Variants in STIM1 observed in about 807,000 individuals in gnomAD.
STIM1 encodes stromal interaction molecule 1.
In STIM1, 25 loss-of-function variants were observed where a neutral mutation model predicts 74.7. The ratio of observed to expected loss-of-function variants is 0.33; its 90% CI spans 0.24 to 0.47. The LOEUF (loss-of-function observed/expected upper bound fraction) is 0.47, where lower values mean the gene tolerates loss of function less well. Among genes scored for constraint, STIM1 ranks in the 20% least tolerant of loss-of-function variants. The pLI, the probability that STIM1 is intolerant of heterozygous loss-of-function variation, is 1.00. For missense variants in STIM1, 728 were observed against 920.8 expected, an observed-to-expected ratio of 0.79 and a Z score of 2.71; for synonymous variants, 328 against 348.8, an observed-to-expected ratio of 0.94 and a Z score of 0.66.
rs1210527157 is a variant in STIM1 at position 4,091,315 on chromosome 11, CCACA to C, written c.1669_1672del (p.His557Ter). The C allele has an allele frequency of 5.0e-6, 8 of 1,614,136 alleles. No individual in the cohort carries two copies. The highest frequency in any genetic ancestry group is 1.6e-4 in the Middle Eastern group (1 of 6,084). ...CCCATTCCGATTCGGAGTCCTCCCT[CCACA>C]TGAGTGACCGCCAGCGTGTGGCCCC... On this transcript the variant is annotated frameshift_variant, in exon 13 of 13. Coordinates refer to ENST00000526596, the MANE Select transcript of STIM1 (RefSeq NM_001382567.1). LOFTEE classifies it high-confidence loss of function.
chr11:3,863,283 G>A (rs1036473487), intron 1 of STIM1, among the ~76,000 whole-genome samples: 1 of 3,256 alleles, frequency 3.1e-4, no homozygotes, highest in Admixed American at 2.6e-3. Context: ...TTTGAGACAG[G>A]GTCTCTCTGT....
chr11:3,994,882 T>G (rs945199340), intron 2 of STIM1, among the ~76,000 whole-genome samples: 7 of 152,202 alleles, frequency 4.6e-5, no homozygotes, highest in Non-Finnish European at 1.0e-4. Flanking sequence ...CAGTCTCTCT[T>G]GAAGTTTGCT....
At chr11:3,987,033 A>C (rs544440758) in intron 2 of STIM1, among the ~76,000 whole-genome samples, 2 of 152,296 alleles carry the variant, frequency 1.3e-5, no homozygotes, top group Non-Finnish European at 2.9e-5. Context: ...GTAAGATTAG[A>C]AGTCTCTGGG....
intron 1 of STIM1, chr11:3,961,178 T>TG (rs61188198): frequency 0.04 from 6,453 of 159,792 alleles, 588 homozygotes; most frequent in African/African-American, 0.14. Flanking sequence ...TTTATAGAGA[T>TG]GGGGTCTCAC....
At chr11:3,987,441 A>C (rs1383347921) in intron 2 of STIM1, among the ~76,000 whole-genome samples, 3 of 152,188 alleles carry the variant, frequency 2.0e-5, no homozygotes, top group Non-Finnish European at 4.4e-5. Context: ...TAAGAGTGGA[A>C]AACTTTGTGC....
At chr11:4,001,699 T>C (rs959182214) in intron 2 of STIM1, among the ~76,000 whole-genome samples, 3 of 151,710 alleles carry the variant, frequency 2.0e-5, no homozygotes, top group African/African-American at 7.3e-5. Flanking sequence ...AATCACCAGC[T>C]AACATCATAA....
intron 4 of STIM1, 92 bp from the exon 5 acceptor site, chr11:4,059,189 T>C (rs1013172919): frequency 1.9e-5 from 21 of 1,118,770 alleles, no homozygotes; most frequent in Non-Finnish European, 2.4e-5. Context: ...CACCAAGAGC[T>C]AGAAGTGTTC....
chr11:3,924,636 CT>C (rs2092765998), intron 1 of STIM1, among the ~76,000 whole-genome samples: 1 of 152,194 alleles, frequency 6.6e-6, no homozygotes, highest in African/African-American at 2.4e-5. Context: ...GTACTCAACA[CT>C]TCCAGCTTTA....
rs2092077856 is a variant in STIM1 at position 3,895,675 on chromosome 11, CTTCCTTCCTTCTTTCT to C, written c.139+39270_139+39285del. On this transcript the variant is annotated intron_variant, in intron 1 of 12. Transcript: ENST00000526596. ...CTTTCTTTCTTTCTTTCTTTCTTTC[CTTCCTTCCTTCTTTCT>C]TTCTTTCTTTCTTTCTTTCTTTCTT... 2.3e-3 allele frequency among the ~76,000 whole-genome samples: 113 copies of C among 49,180 alleles called. 11 individuals are homozygous for C. Among genetic ancestry groups the C allele is most frequent in the Admixed American group, 5.2e-3 (24 of 4,624 alleles). 32.3% of individuals were successfully genotyped at this position (49,180 alleles called of 152,430 possible).
intron 5 of STIM1, among the ~76,000 whole-genome samples, chr11:4,066,150 C>G (rs1005801935): frequency 6.6e-6 from 1 of 152,192 alleles, no homozygotes; most frequent in Non-Finnish European, 1.5e-5. Flanking sequence ...ATTCTGCCAT[C>G]CTCTGGTTCC....
At chr11:4,084,294 C>T (rs1222084951) in intron 10 of STIM1, among the ~76,000 whole-genome samples, 2 of 152,162 alleles carry the variant, frequency 1.3e-5, no homozygotes, top group South Asian at 2.1e-4. Context: ...GCCAGTTCAG[C>T]GGGAGGGCAG....
In STIM1 at chr11:4,049,780, T is replaced by C. The variant is rs576392053; in HGVS notation, c.386-5746T>C. On this transcript the variant is annotated intron_variant, in intron 3 of 12. Coordinates refer to ENST00000526596, the MANE Select transcript of STIM1 (RefSeq NM_001382567.1). Reference sequence around the variant, plus strand: ...CACACACACATGCTTAGAACGTGAATGATGGAGCCAGACTGCCTGAGACCA... The same window carrying C: ...CACACACACATGCTTAGAACGTGAACGATGGAGCCAGACTGCCTGAGACCA... 5.5e-5 allele frequency among the ~76,000 whole-genome samples: 8 copies of C among 146,200 alleles called. No individual in the cohort carries two copies. The East Asian group carries it at 6.1e-4, about 11-fold the overall frequency.
intron 2 of STIM1, among the ~76,000 whole-genome samples, chr11:4,012,265 T>G (rs1226737750): frequency 6.6e-6 from 1 of 152,222 alleles, no homozygotes; most frequent in Non-Finnish European, 1.5e-5. Context: ...GTGAAGAAAG[T>G]CAGTGGTAGC....
intron 2 of STIM1, among the ~76,000 whole-genome samples, chr11:3,975,328 G>A (rs2093436704): frequency 6.6e-6 from 1 of 152,138 alleles, no homozygotes; most frequent in African/African-American, 2.4e-5. Flanking sequence ...TAGAAAATAA[G>A]CCAGGCCAGG....
At chr11:3,875,004 ATTGTTTGT>A (rs144303703) in intron 1 of STIM1, among the ~76,000 whole-genome samples, 20 of 115,490 alleles carry the variant, frequency 1.7e-4, no homozygotes, top group African/African-American at 6.0e-4. Context: ...CTCTTCTTTT[ATTGTTTGT>A]TTGTTTGTTT....
At chr11:3,974,248 G>A (rs536500118) in intron 2 of STIM1, 61 of 367,166 alleles carry the variant, frequency 1.7e-4, no homozygotes, top group African/African-American at 1.2e-3. Flanking sequence ...ATAGCAGTGG[G>A]AAGAGAGACT....
At chr11:3,946,138 C>T (rs2093070162) in intron 1 of STIM1, among the ~76,000 whole-genome samples, 1 of 152,174 alleles carries the variant, frequency 6.6e-6, no homozygotes, top group Non-Finnish European at 1.5e-5. Flanking sequence ...GTTGGAACAG[C>T]AGGCGCTGGA....
intron 12 of STIM1, chr11:4,088,770 C>T: frequency 6.5e-7 from 1 of 1,534,542 alleles, no homozygotes; most frequent in Non-Finnish European, 8.7e-7. Context: ...TCCGAGGCAG[C>T]CCAGCCTTTG....
At chr11:4,043,544 C>T (rs565372821) in intron 3 of STIM1, among the ~76,000 whole-genome samples, 5 of 152,150 alleles carry the variant, frequency 3.3e-5, no homozygotes, top group Admixed American at 3.3e-4. Context: ...TTTGTTCATT[C>T]GAAGAAGATA....
Sources: gnomAD v4.1 joint callset for allele counts (sites outside exome capture counted in the v4.1 genomes callset) on GRCh38, gnomAD v4.1.1 for gene constraint, MANE v1.5 for transcripts, NCBI Gene and HGNC (gene_info 2026-07-23, HGNC 2026-07-21) for gene names.